BTBD16: variants seen among roughly 807,000 people sequenced by gnomAD.
The protein encoded by BTBD16 is BTB/POZ domain-containing protein 16.
In BTBD16, 66 loss-of-function variants were observed where a neutral mutation model predicts 67.4. The ratio of observed to expected loss-of-function variants is 0.98; its 90% CI spans 0.80 to 1.20. BTBD16 has a LOEUF of 1.20. Among genes scored for constraint, BTBD16 ranks in the 50% most tolerant of loss-of-function variants. The pLI, the probability that BTBD16 is intolerant of heterozygous loss-of-function variation, is 0.00. For synonymous variants in BTBD16, 242 were observed against 236.4 expected (o/e 1.02, Z -0.22); for missense variants, 634 against 616.0 (o/e 1.03, Z -0.31).
At chr10:122,317,527 G>C (rs1455861513) in intron 10 of BTBD16, among the ~76,000 whole-genome samples, 2 of 152,016 alleles carry the variant, frequency 1.3e-5, no homozygotes, top group Non-Finnish European at 2.9e-5. Flanking sequence ...GGCAGCTGTA[G>C]TCCCAGCTAC....
At chr10:122,280,464 T>C (rs1052095381) in intron 3 of BTBD16, among the ~76,000 whole-genome samples, 2 of 152,022 alleles carry the variant, frequency 1.3e-5, no homozygotes, top group African/African-American at 4.8e-5. Context: ...TGCCTAGTGG[T>C]TTTCTCCCTT....
intron 7 of BTBD16, chr10:122,295,433 G>T: frequency 1.0e-6 from 1 of 985,430 alleles, no homozygotes; most frequent in South Asian, 4.7e-5. Context: ...GTAGCCACAT[G>T]AGCAGGTCTT....
chr10:122,328,865 C>G (rs1185848326), intron 10 of BTBD16: 1 of 977,828 alleles, frequency 1.0e-6, no homozygotes, highest in Non-Finnish European at 1.2e-6. Flanking sequence ...AGGAAGTTAA[C>G]TGGAGCTTGG....
intron 10 of BTBD16, among the ~76,000 whole-genome samples, chr10:122,327,778 C>T (rs2096447816): frequency 6.6e-6 from 1 of 152,204 alleles, no homozygotes; most frequent in Non-Finnish European, 1.5e-5. Context: ...GAGTGCCTCT[C>T]AAAGGGAGGA....
chr10:122,332,851 A>G, intron 13 of BTBD16: 1 of 985,420 alleles, frequency 1.0e-6, no homozygotes, highest in South Asian at 4.7e-5. Context: ...TCTATTTCCC[A>G]CAAACACCAA....
chr10:122,287,388 A>G (rs1242626259), intron 5 of BTBD16: 1 of 978,940 alleles, frequency 1.0e-6, no homozygotes, highest in East Asian at 1.1e-4. Flanking sequence ...GGTCTTTAAC[A>G]TGTCTAGAAT....
At chr10:122,291,006 G>A (rs1486693608) in intron 6 of BTBD16, 74 bp from the exon 7 acceptor site, 1 of 1,435,612 alleles carries the variant, frequency 7.0e-7, no homozygotes, top group Non-Finnish European at 9.2e-7. Context: ...AGCTGCAGGA[G>A]TGAGGGAGGG....
At chr10:122,290,943 C>G in intron 6 of BTBD16, 137 bp from the exon 7 acceptor site, 1 of 1,297,414 alleles carries the variant, frequency 7.7e-7, no homozygotes, top group Non-Finnish European at 1.0e-6. Context: ...TGGGCGGTGC[C>G]TGCATCCAGG....
chr10:122,315,861 T>G (rs923573782), intron 10 of BTBD16, among the ~76,000 whole-genome samples: 1 of 152,240 alleles, frequency 6.6e-6, no homozygotes, highest in African/African-American at 2.4e-5. Context: ...TACACATAGC[T>G]AATGCTTCAA....
chr10:122,299,150 C>T lies in BTBD16; in HGVS notation c.791+16C>T, dbSNP rs750471590. The stretch of plus-strand genomic sequence containing the variant: ...AGTCCCCCAGGTCAGAGCTGGCTCC[C>T]AGGGTGCGGCCCCTGAGAGGGGGAT... On this transcript the variant is annotated intron_variant, in intron 9 of 15. Transcript: ENST00000260723. 3.0e-5 allele frequency: 48 copies of T among 1,612,348 alleles called. No individual in the cohort carries two copies. Among genetic ancestry groups the T allele is most frequent in the Non-Finnish European group, 3.9e-5 (46 of 1,179,502 alleles).
intron 3 of BTBD16, among the ~76,000 whole-genome samples, chr10:122,280,259 C>T (rs906158082): frequency 2.0e-5 from 3 of 152,198 alleles, no homozygotes; most frequent in Admixed American, 6.5e-5. Context: ...GGCACATATA[C>T]GCTCAATGCA....
chr10:122,279,962 G>A (rs2096349291), intron 3 of BTBD16, among the ~76,000 whole-genome samples: 1 of 152,156 alleles, frequency 6.6e-6, no homozygotes, highest in African/African-American at 2.4e-5. Context: ...GTGCCCAGCT[G>A]GCCAACACTT....
At chr10:122,300,174 C>A (rs2096391157) in intron 9 of BTBD16, among the ~76,000 whole-genome samples, 1 of 152,126 alleles carries the variant, frequency 6.6e-6, no homozygotes, top group Admixed American at 6.5e-5. Flanking sequence ...ACATTAAATT[C>A]CTAGAAATGA....
chr10:122,309,622 C>T (rs1445964273), intron 10 of BTBD16, among the ~76,000 whole-genome samples: 1 of 152,252 alleles, frequency 6.6e-6, no homozygotes, highest in African/African-American at 2.4e-5. Context: ...GCATTACAGG[C>T]GTGAGCCACT....
rs116056029 is a variant in BTBD16 at position 122,285,895 on chromosome 10, T to C, written c.242-210T>C. 1.4e-3 allele frequency among the ~76,000 whole-genome samples: 207 copies of C among 152,272 alleles called. 1 individual carries two copies. The highest frequency in any genetic ancestry group is 4.9e-3 in the African/African-American group (203 of 41,544). ...ACACGTGACATGTCCTGGGTGACCCTGTAAGACTGGTTTGGTGTCCCCCTC... is the reference window on the plus strand; with the variant it reads ...ACACGTGACATGTCCTGGGTGACCCCGTAAGACTGGTTTGGTGTCCCCCTC... On this transcript the variant is annotated intron_variant, in intron 4 of 15. Transcript: ENST00000260723.
intron 10 of BTBD16, 145 bp from the exon 11 acceptor site, chr10:122,329,335 C>T: frequency 1.5e-6 from 1 of 660,376 alleles, no homozygotes; most frequent in Non-Finnish European, 2.6e-6. Flanking sequence ...CTTCCATGTA[C>T]CTGACCCCTC....
chr10:122,294,810 G>A (rs2096380142), intron 7 of BTBD16, among the ~76,000 whole-genome samples: 1 of 152,242 alleles, frequency 6.6e-6, no homozygotes, highest in Non-Finnish European at 1.5e-5. Context: ...CAGCCAATGG[G>A]TTTCACAGTG....
intron 10 of BTBD16, among the ~76,000 whole-genome samples, chr10:122,325,622 A>C (rs1450325932): frequency 3.3e-5 from 5 of 151,804 alleles, no homozygotes; most frequent in Non-Finnish European, 7.4e-5. Context: ...CATTTACCAC[A>C]CTTGAGTGTT....
chr10:122,332,403 C>A, intron 12 of BTBD16, 33 bp from the exon 13 acceptor site: 1 of 1,608,926 alleles, frequency 6.2e-7, no homozygotes, highest in African/African-American at 1.3e-5. Context: ...CAGAGGATCC[C>A]ACCGTGGTCA....
Sources: gnomAD v4.1 joint callset for allele counts (sites outside exome capture counted in the v4.1 genomes callset) on GRCh38, gnomAD v4.1.1 for gene constraint, MANE v1.5 for transcripts, NCBI Gene and HGNC (gene_info 2026-07-23, HGNC 2026-07-21) for gene names.